Variants in PARD3 observed in about 807,000 individuals in gnomAD.
The protein encoded by PARD3 is par-3 family cell polarity regulator, also known as partitioning defective 3 homolog.
Under a neutral mutation model 155.4 loss-of-function variants are expected in PARD3, and 75 were observed. The observed-to-expected ratio is 0.48, with a 90% confidence interval of 0.40 to 0.58. PARD3 has a LOEUF of 0.58. PARD3 is among the 20% of genes least tolerant of loss of function. The pLI is 0.00. For synonymous variants in PARD3, 576 were observed against 610.5 expected (o/e 0.94, Z 0.83); for missense variants, 1,642 against 1,721.7 (o/e 0.95, Z 0.82).
intron 1 of PARD3, among the ~76,000 whole-genome samples, chr10:34,713,152 T>C (rs2094471496): frequency 6.6e-6 from 1 of 152,022 alleles, no homozygotes; most frequent in African/African-American, 2.4e-5. Flanking sequence ...GTGGAGGTTG[T>C]GGTGAGCCGA....
intron 2 of PARD3, among the ~76,000 whole-genome samples, chr10:34,572,627 CAA>C (rs2086514923): frequency 7.2e-6 from 1 of 138,466 alleles, no homozygotes; most frequent in Non-Finnish European, 1.5e-5. Context: ...GGTGACAGAG[CAA>C]GACTCTGTCT....
chr10:34,294,782 C>G (rs185211830), intron 20 of PARD3, among the ~76,000 whole-genome samples: 1 of 152,224 alleles, frequency 6.6e-6, no homozygotes, highest in Non-Finnish European at 1.5e-5. Flanking sequence ...GGAGCAGGTT[C>G]AAGTCAAGAG....
chr10:34,400,252 C>T (rs938271537), intron 6 of PARD3, among the ~76,000 whole-genome samples: 4 of 152,300 alleles, frequency 2.6e-5, no homozygotes, highest in South Asian at 2.1e-4. Flanking sequence ...GCTGGGACTA[C>T]AGCTATGAAG....
chr10:34,394,311 C>T (rs576948670), intron 7 of PARD3, among the ~76,000 whole-genome samples: 103 of 152,274 alleles, frequency 6.8e-4, no homozygotes, highest in South Asian at 1.7e-3. Context: ...CAGGCATGAG[C>T]CACCATGCCC....
chr10:34,262,564 C>T (rs1410519699), intron 22 of PARD3, among the ~76,000 whole-genome samples: 1 of 152,182 alleles, frequency 6.6e-6, no homozygotes, highest in African/African-American at 2.4e-5. Context: ...CTGTGCCTAG[C>T]CTTTACAGTT....
At chr10:34,394,041 T>C (rs1328452314) in intron 7 of PARD3, among the ~76,000 whole-genome samples, 1 of 151,990 alleles carries the variant, frequency 6.6e-6, no homozygotes, top group Admixed American at 6.6e-5. Context: ...CTTCACCATG[T>C]TGGCCAGGAT....
intron 15 of PARD3, chr10:34,345,309 T>G: frequency 2.0e-6 from 2 of 985,410 alleles, no homozygotes; most frequent in Non-Finnish European, 1.2e-6. Flanking sequence ...TGTGTTCACA[T>G]AGGAATGCAT....
At chr10:34,608,273 C>G (rs186414784) in intron 2 of PARD3, among the ~76,000 whole-genome samples, 2 of 152,182 alleles carry the variant, frequency 1.3e-5, no homozygotes, top group Non-Finnish European at 2.9e-5. Flanking sequence ...ATTTCTGCCT[C>G]GCTCTTCCAC....
intron 2 of PARD3, among the ~76,000 whole-genome samples, chr10:34,573,746 CACACACACACACA>C: frequency 9.5e-6 from 1 of 105,530 alleles, no homozygotes; most frequent in African/African-American, 4.5e-5. Context: ...AACACACACA[CACACACACACACA>C]CACACACACA....
chr10:34,449,456 TGGGGGGA>T (rs963252162), intron 5 of PARD3, among the ~76,000 whole-genome samples: 2 of 37,128 alleles, frequency 5.4e-5, no homozygotes, highest in African/African-American at 1.9e-4. Flanking sequence ...TCATTGGAGG[TGGGGGGA>T]GGGGGGAGGG....
intron 22 of PARD3, among the ~76,000 whole-genome samples, chr10:34,256,852 T>A (rs945072525): frequency 1.3e-5 from 2 of 152,220 alleles, no homozygotes; most frequent in Admixed American, 6.5e-5. Flanking sequence ...TCAAAATAGT[T>A]ATTACATAGC....
intron 22 of PARD3, among the ~76,000 whole-genome samples, chr10:34,183,161 C>T (rs761136817): frequency 2.0e-5 from 3 of 152,182 alleles, no homozygotes; most frequent in South Asian, 2.1e-4. Flanking sequence ...AATAAGTCAA[C>T]GCATGAATGA....
intron 2 of PARD3, among the ~76,000 whole-genome samples, chr10:34,627,235 G>T (rs550647971): frequency 6.6e-6 from 1 of 152,178 alleles, no homozygotes; most frequent in South Asian, 2.1e-4. Context: ...ATCTCACTTT[G>T]TTGCTCAGGC....
intron 1 of PARD3, among the ~76,000 whole-genome samples, chr10:34,727,797 G>A (rs1198003556): frequency 1.3e-5 from 2 of 148,458 alleles, no homozygotes; most frequent in African/African-American, 5.0e-5. Flanking sequence ...ACACAAGTAT[G>A]CAACCCCCTC....
chr10:34,512,049 A>G (rs1024087409), intron 3 of PARD3, among the ~76,000 whole-genome samples: 1 of 152,236 alleles, frequency 6.6e-6, no homozygotes, highest in Non-Finnish European at 1.5e-5. Flanking sequence ...ACTAGGGATT[A>G]CATTTCCAAC....
chr10:34,550,930 T>C (rs562150316), intron 2 of PARD3, among the ~76,000 whole-genome samples: 2 of 152,308 alleles, frequency 1.3e-5, no homozygotes, highest in South Asian at 4.1e-4. Flanking sequence ...ACATATGCCC[T>C]TCACTTTCAA....
chr10:34,339,745 T>C (rs193006599), intron 16 of PARD3, among the ~76,000 whole-genome samples: 1 of 152,176 alleles, frequency 6.6e-6, no homozygotes, highest in African/African-American at 2.4e-5. Flanking sequence ...GTCAAATGAG[T>C]TTGTGCATTA....
intron 7 of PARD3, among the ~76,000 whole-genome samples, chr10:34,393,058 T>C (rs1842985501): frequency 6.6e-6 from 1 of 151,350 alleles, no homozygotes; most frequent in Non-Finnish European, 1.5e-5. Flanking sequence ...ATGCCTAAAA[T>C]ACTGATTATC....
At position 34,331,354 on chromosome 10, in the gene PARD3, T is replaced by C. The variant is rs909341500; in HGVS notation, c.2606-10A>G. ...TCTCTGCTGGGAGAACCTGGGAGGT[T>C]TACAAGAAAAAAAATGTTAGTGTGA... is the stretch of plus-strand genomic sequence containing the variant. On this transcript the variant is annotated splice_polypyrimidine_tract_variant and intron_variant, in intron 18 of 24. Transcript: ENST00000374788. The C allele has an allele frequency of 6.3e-7, 1 of 1,592,282 alleles. No individual in the cohort carries two copies. The highest frequency in any genetic ancestry group is 8.6e-7 in the Non-Finnish European group (1 of 1,162,312).
Sources: allele counts gnomAD v4.1 joint callset (sites outside exome capture counted in the v4.1 genomes callset), GRCh38; gene constraint gnomAD v4.1.1; transcripts MANE v1.5; gene names NCBI Gene and HGNC (gene_info 2026-07-23, HGNC 2026-07-21).